The following MPG variants were observed in gnomAD, a reference collection of about 807,000 sequenced individuals.
MPG encodes the protein N-methylpurine DNA glycosylase.
In MPG, 33 loss-of-function variants were observed where a neutral mutation model predicts 31.7. The observed-to-expected ratio is 1.04, with a 90% CI of 0.79 to 1.39. MPG has a LOEUF of 1.39. Ranked by LOEUF, MPG falls within the 40% of genes most tolerant of loss-of-function variation. The pLI is 0.00. For missense variants in MPG, 455 were observed against 415.5 expected, an observed-to-expected ratio of 1.10 and a Z score of -0.83; for synonymous variants, 202 against 169.2, an observed-to-expected ratio of 1.19 and a Z score of -1.51.
In MPG at chr16:79,531, C is replaced by T; in HGVS notation, c.131C>T (p.Ser44Phe). ...QAPAEQPHSS[S>F]DAAQAPCPRE... ...CCTGCAGAGCAGCCACACAGCTCGT[C>T]CGATGCAGCCCAGGCACCTTGCCCC... Residue 44 changes from serine to phenylalanine, a missense_variant, in exon 2 of 4, where the codon TCC (serine) becomes TTC (phenylalanine). Transcript: ENST00000356432. 1 of 1,612,946 alleles carries T rather than the reference C, an allele frequency of 6.2e-7. No individual in the cohort carries two copies. The highest frequency in any genetic ancestry group is 1.1e-5 in the South Asian group (1 of 91,072).
chr16:78,821 C>A (rs1211416419), intron 1 of MPG, among the ~76,000 whole-genome samples: 1 of 152,206 alleles, frequency 6.6e-6, no homozygotes, highest in Admixed American at 6.5e-5. Flanking sequence ...GGCTGGCGGC[C>A]TGCTCGGTCT....
rs1185622705 is a variant in MPG at position 83,117 on chromosome 16, C to A, written c.366C>A (p.Tyr122Ter). Residue 122 changes from tyrosine (Y) to a stop codon, truncating the protein, a stop_gained, in exon 3 of 4, where the codon TAC (tyrosine) becomes TAA (stop). Transcript: ENST00000356432. LOFTEE classifies it high-confidence loss of function. ...LRGRIVETEA[Y>*]LGPEDEAAHS... ...GCCGCATCGTGGAGACCGAGGCATA[C>A]CTGGGGCCAGAGGATGAAGCCGCCC... The A allele has an allele frequency of 6.2e-7, 1 of 1,612,944 alleles. No homozygotes were observed. Among genetic ancestry groups the A allele is most frequent in the Non-Finnish European group, 8.5e-7 (1 of 1,179,864 alleles).
At chr16:78,824 C>T (rs1278583471) in intron 1 of MPG, among the ~76,000 whole-genome samples, 1 of 152,208 alleles carries the variant, frequency 6.6e-6, no homozygotes, top group Non-Finnish European at 1.5e-5. Flanking sequence ...TGGCGGCCTG[C>T]TCGGTCTCAG....
At chr16:78,389 C>T in intron 1 of MPG, 56 bp downstream of exon 1, 1 of 1,177,896 alleles carries the variant, frequency 8.5e-7, no homozygotes, top group Non-Finnish European at 1.0e-6. Context: ...CCAGGCGCAG[C>T]AGCGAGCGCG....
At chr16:78,376 C>T in intron 1 of MPG, 43 bp downstream of exon 1, 2 of 1,191,160 alleles carry the variant, frequency 1.7e-6, no homozygotes, top group Non-Finnish European at 2.1e-6. Context: ...GACGCGCCCA[C>T]CCCCAGGCGC....
rs867783773 is a variant in MPG at position 79,973 on chromosome 16, T to A, written c.300+273T>A. 20 of 543,320 alleles carry A rather than the reference T, an allele frequency of 3.7e-5. No individual in the cohort carries two copies. In the African/African-American group the frequency reaches 3.8e-4, roughly 10 times the overall value. The allele number at this position is 543,320 out of a possible 1,614,324, so 33.7% of individuals were successfully genotyped here. On this transcript the variant is annotated intron_variant, in intron 2 of 3. Transcript: ENST00000356432. The stretch of plus-strand genomic sequence containing the variant: ...CTCTGGGCATCTAGGGCAGGAGCAC[T>A]TGCACCGTTAGCCTTCCTCACCGGC...
intron 2 of MPG, 54 bp from the exon 3 acceptor site, chr16:82,998 G>A: frequency 6.7e-7 from 1 of 1,481,592 alleles, no homozygotes; most frequent in Non-Finnish European, 9.2e-7. Flanking sequence ...GGCACTGTTA[G>A]GGTGAGTGGA....
chr16:83,469 G>A (rs372246799), intron 3 of MPG: 42 of 544,692 alleles, frequency 7.7e-5, no homozygotes, highest in Middle Eastern at 4.4e-4. Flanking sequence ...GGCCGGGCGC[G>A]GTGGCTCACG....
At chr16:78,059 G>A, upstream of MPG, 1 of 311,972 alleles carries the variant, frequency 3.2e-6, no homozygotes, top group Non-Finnish European at 5.9e-6. Flanking sequence ...CGCCTCGCAG[G>A]CACCGCATCG....
rs753600410 is a variant in MPG at position 83,199 on chromosome 16, A to G, written c.448A>G (p.Thr150Ala). ...CCGAGGCATGTTCATGAAGCCGGGGACCCTGTACGTGTACATCATTTACGG... is the reference window on the plus strand; with the variant it reads ...CCGAGGCATGTTCATGAAGCCGGGGGCCCTGTACGTGTACATCATTTACGG... Reference protein sequence around the residue: ...RNRGMFMKPGTLYVYIIYGMY... With the variant: ...RNRGMFMKPGALYVYIIYGMY... The change falls in exon 3 of 4, where the codon ACC becomes GCC. Residue 150 changes from threonine (T) to alanine (A), a missense_variant. Thr to Ala is a moderately conservative substitution (Grantham distance 58). Coordinates refer to ENST00000356432, the MANE Select transcript of MPG (RefSeq NM_001015052.3). 4.3e-6 allele frequency: 7 copies of G among 1,612,904 alleles called. No individual in the cohort carries two copies. In the African/African-American group the frequency reaches 6.7e-5, roughly 15 times the overall value.
chr16:80,596 G>A (rs537478458), intron 2 of MPG, among the ~76,000 whole-genome samples: 1 of 152,142 alleles, frequency 6.6e-6, no homozygotes, highest in Non-Finnish European at 1.5e-5. Flanking sequence ...GGATCACGAG[G>A]TCAGGAGTTT....
Position 83,192 on chromosome 16 carries a change from G to A in MPG, c.441G>A (p.Lys147=), listed in dbSNP as rs1596487050. Residue 147 remains lysine (K), a synonymous_variant, in exon 3 of 4, where the codon AAG becomes AAA. Transcript: ENST00000356432. ...QTPRNRGMFM[K]PGTLYVYIIY... is the part of the protein sequence containing the mutation. ...CCCGCAACCGAGGCATGTTCATGAA[G>A]CCGGGGACCCTGTACGTGTACATCA... 6.2e-7 allele frequency: 1 copy of A among 1,613,260 alleles called. No individual in the cohort carries two copies. The highest frequency in any genetic ancestry group is 1.3e-5 in the African/African-American group (1 of 75,046).
intron 3 of MPG, chr16:83,559 G>A (rs368815723): frequency 2.4e-5 from 7 of 288,750 alleles, no homozygotes; most frequent in Admixed American, 5.0e-5. Flanking sequence ...TGGCCAACAC[G>A]GTGAAACTCT....
rs774313678 is a variant in MPG, at chr16:83,058, G to A, written c.307G>A (p.Val103Ile). The stretch of plus-strand genomic sequence containing the variant: ...AGAAACTGACTGCCCACAGGTCCTA[G>A]TCCGGCGACTTCCTAATGGCACAGA... ...LARAFLGQVL[V>I]RRLPNGTELR... The change falls in exon 3 of 4, where the codon GTC becomes ATC. Residue 103 changes from valine to isoleucine, a missense_variant. By Grantham distance (29) the Val-to-Ile change is conservative. Coordinates refer to ENST00000356432, the MANE Select transcript of MPG (RefSeq NM_001015052.3). 5 of 1,599,802 alleles carry A rather than the reference G, an allele frequency of 3.1e-6. No individual in the cohort carries two copies. In the South Asian group the frequency reaches 3.4e-5, roughly 11 times the overall value.
chr16:82,110 A>G (rs1238525470), intron 2 of MPG, among the ~76,000 whole-genome samples: 1 of 79,898 alleles, frequency 1.3e-5, no homozygotes, highest in African/African-American at 9.2e-5. Context: ...CCACCACCCT[A>G]CCTCCGGGAA....
chr16:79,087 C>T (rs1368896614), intron 1 of MPG: 3 of 1,443,348 alleles, frequency 2.1e-6, no homozygotes, highest in Non-Finnish European at 2.7e-6. Flanking sequence ...GAGTGGGAAT[C>T]GGAGGGCACC....
rs1315753481 is a variant in MPG at position 84,729 on chromosome 16, G to A, written c.506-672G>A. 4 of 152,446 alleles carry A rather than the reference G, an allele frequency of 2.6e-5. No homozygotes were observed. The East Asian group carries it at 7.7e-4, about 29-fold the overall frequency. 9.4% of individuals were successfully genotyped at this position (152,446 alleles called of 1,614,324 possible). On this transcript the variant is annotated intron_variant, in intron 3 of 3. Transcript: ENST00000356432. ...GGCTAGGCTGGAGGAGGGATCCCAA[G>A]GGAGGTGAGGGGGCTTTGTCAGCCT...
rs373447615 is a variant in MPG at position 83,201 on chromosome 16, C to T, written c.450C>T (p.Thr150=). ...GAGGCATGTTCATGAAGCCGGGGAC[C>T]CTGTACGTGTACATCATTTACGGCA... ...RNRGMFMKPG[T]LYVYIIYGMY... The change falls in exon 3 of 4, where the codon ACC becomes ACT. Residue 150 remains threonine, a synonymous_variant. Coordinates refer to ENST00000356432, the MANE Select transcript of MPG (RefSeq NM_001015052.3). 6.2e-7 allele frequency: 1 copy of T among 1,613,230 alleles called. No homozygotes were observed. Among genetic ancestry groups the T allele is most frequent in the Admixed American group, 1.7e-5 (1 of 60,006 alleles).
upstream of MPG, among the ~76,000 whole-genome samples, chr16:77,634 G>A (rs111503669): frequency 6.6e-6 from 1 of 152,356 alleles, no homozygotes; most frequent in East Asian, 1.9e-4. Flanking sequence ...CTGCTGCAGA[G>A]GCAGAATCCG....
Sources: gnomAD v4.1 joint callset for allele counts (sites outside exome capture counted in the v4.1 genomes callset) on GRCh38, gnomAD v4.1.1 for gene constraint, MANE v1.5 for transcripts, NCBI Gene and HGNC (gene_info 2026-07-23, HGNC 2026-07-21) for gene names.